ARAP2: variants seen among roughly 807,000 people sequenced by gnomAD.
ARAP2 encodes ArfGAP with RhoGAP domain, ankyrin repeat and PH domain 2, also known as arf-GAP with Rho-GAP domain, ANK repeat and PH domain-containing protein 2.
Under a neutral mutation model 194.5 loss-of-function variants are expected in ARAP2, and 148 were observed. The observed-to-expected ratio is 0.76, with a 90% confidence interval of 0.67 to 0.87. The LOEUF (loss-of-function observed/expected upper bound fraction) is 0.87, where lower values mean the gene tolerates loss of function less well. Ranked by LOEUF, ARAP2 falls within the 40% of genes least tolerant of loss-of-function variation. The probability of loss-of-function intolerance (pLI) is 0.00; values close to 1 mark genes in which losing one functional copy is unlikely to be tolerated. For synonymous variants in ARAP2, 695 were observed against 683.5 expected (o/e 1.02, Z -0.26); for missense variants, 2,128 against 1,989.7 (o/e 1.07, Z -1.32).
At chr4:36,042,792 TACTC>T (rs1721080878) in intron 5 of ARAP2, among the ~76,000 whole-genome samples, 1 of 152,144 alleles carries the variant, frequency 6.6e-6, no homozygotes, top group South Asian at 2.1e-4. Context: ...GGCACTCACT[TACTC>T]ACTTATTCAT....
At chr4:36,107,498 C>A in intron 27 of ARAP2, 67 bp downstream of exon 27, 1 of 1,466,854 alleles carries the variant, frequency 6.8e-7, no homozygotes, top group South Asian at 1.4e-5. Context: ...TTACTTGTGC[C>A]ATATTAATTA....
chr4:36,244,660 C>T (rs1754332945), upstream of ARAP2, among the ~76,000 whole-genome samples: 2 of 152,068 alleles, frequency 1.3e-5, no homozygotes, highest in African/African-American at 4.8e-5. Flanking sequence ...CTGGCACCCT[C>T]GCCACCTGGC....
Position 36,067,730 on chromosome 4 carries a change from T to G in ARAP2, c.*177A>C, listed in dbSNP as rs1725820242. On this transcript the variant is annotated 3_prime_UTR_variant, in exon 33 of 33. Transcript: ENST00000303965. Reference sequence around the variant, plus strand: ...GTTCAGACCAAAATAAAGTTAATCTTACATTCAGTCACATATATACATATT... The same window carrying G: ...GTTCAGACCAAAATAAAGTTAATCTGACATTCAGTCACATATATACATATT... The G allele has an allele frequency of 1.7e-6, 1 of 597,886 alleles. No individual in the cohort carries two copies. 37.0% of individuals were successfully genotyped at this position (597,886 alleles called of 1,614,324 possible).
downstream of ARAP2, chr4:36,065,793 G>T (rs1725311972): frequency 6.6e-6 from 1 of 152,426 alleles, no homozygotes; most frequent in Non-Finnish European, 1.5e-5. Flanking sequence ...CGTCAATACA[G>T]GCCACAGAGC....
At chr4:36,231,645 C>A (rs1300001012) in intron 1 of ARAP2, among the ~76,000 whole-genome samples, 1 of 152,144 alleles carries the variant, frequency 6.6e-6, no homozygotes. Context: ...GTCTTGCTTA[C>A]CCCTGTTCAT....
intron 1 of ARAP2, among the ~76,000 whole-genome samples, chr4:36,237,145 T>C (rs1752602273): frequency 6.6e-6 from 1 of 152,268 alleles, no homozygotes; most frequent in African/African-American, 2.4e-5. Context: ...CAAAACTTAT[T>C]GTTGCATGTA....
In ARAP2 at chr4:36,161,466, T is replaced by C. The variant is rs993207852; in HGVS notation, c.2258A>G (p.Glu753Gly). 7 of 1,612,948 alleles carry C rather than the reference T, an allele frequency of 4.3e-6. No individual in the cohort carries two copies. In the African/African-American group the frequency reaches 6.7e-5, roughly 15 times the overall value. Residue 753 changes from glutamate (E) to glycine (G), a missense_variant and splice_region_variant, in exon 12 of 33, where the codon GAG becomes GGG. Physicochemically the swap from Glu to Gly is moderately conservative, Grantham distance 98 (BLOSUM62 -2). Coordinates refer to ENST00000303965, the MANE Select transcript of ARAP2 (RefSeq NM_015230.4). ...DASIWSNELI[E>G]LFIVIGNKRA... Reference sequence around the variant, plus strand: ...CCATTCAGGTTAAATAGGACTCACCTCGATGAGTTCATTGCTCCAAATGCT... The same window carrying C: ...CCATTCAGGTTAAATAGGACTCACCCCGATGAGTTCATTGCTCCAAATGCT...
At position 36,166,990 on chromosome 4, in the gene ARAP2, G is replaced by A; in HGVS notation, c.1915C>T (p.Gln639Ter). The A allele has an allele frequency of 6.2e-7, 1 of 1,608,874 alleles. No individual in the cohort carries two copies. The highest frequency in any genetic ancestry group is 1.1e-5 in the South Asian group (1 of 90,126). Reference protein sequence around the residue: ...IIPMNVANVKQVDRTVKQSFE... With the variant: ...IIPMNVANVK Reference sequence around the variant, plus strand: ...GATTGTTTCACAGTTCGGTCCACTTGCTTTACATTTGCTACATTCATAGGA... The same window carrying A: ...GATTGTTTCACAGTTCGGTCCACTTACTTTACATTTGCTACATTCATAGGA... Residue 639 changes from glutamine to a stop codon, truncating the protein, a stop_gained, in exon 10 of 33, where the codon CAA becomes TAA. Coordinates refer to ENST00000303965, the MANE Select transcript of ARAP2 (RefSeq NM_015230.4). LOFTEE classifies it high-confidence loss of function.
At chr4:36,174,706 G>C (rs1253971398) in intron 9 of ARAP2, among the ~76,000 whole-genome samples, 1 of 152,140 alleles carries the variant, frequency 6.6e-6, no homozygotes, top group Non-Finnish European at 1.5e-5. Context: ...AGCAACCTAA[G>C]TAATGGCCTT....
chr4:36,198,530 A>C (rs1743660081), intron 6 of ARAP2, among the ~76,000 whole-genome samples: 1 of 152,224 alleles, frequency 6.6e-6, no homozygotes, highest in Non-Finnish European at 1.5e-5. Context: ...AGGTGTCTGC[A>C]GGCCAGTGCT....
chr4:36,041,099 T>C (rs1720792865), intron 5 of ARAP2, among the ~76,000 whole-genome samples: 1 of 152,156 alleles, frequency 6.6e-6, no homozygotes, highest in African/African-American at 2.4e-5. Flanking sequence ...ATCATTGGGT[T>C]TTGTCGATAG....
intron 28 of ARAP2, among the ~76,000 whole-genome samples, chr4:36,087,735 T>C (rs1453425033): frequency 6.6e-6 from 1 of 152,126 alleles, no homozygotes; most frequent in Non-Finnish European, 1.5e-5. Context: ...TAAAAATGTT[T>C]GATACTATTT....
At chr4:36,051,754 ATCTACTTAAAC>A (rs1427490704) in intron 3 of ARAP2, among the ~76,000 whole-genome samples, 6 of 152,178 alleles carry the variant, frequency 3.9e-5, no homozygotes, top group Admixed American at 6.5e-5. Flanking sequence ...ATATTTATAA[ATCTACTTAAAC>A]GGTCAAGTAT....
At chr4:36,030,121 G>A (rs1718660062) in intron 5 of ARAP2, among the ~76,000 whole-genome samples, 1 of 152,004 alleles carries the variant, frequency 6.6e-6, no homozygotes, top group Admixed American at 6.6e-5. Flanking sequence ...GTATTCTCAA[G>A]TTCTGACATG....
chr4:36,151,802 T>C (rs1178197790), intron 15 of ARAP2, among the ~76,000 whole-genome samples: 1 of 152,126 alleles, frequency 6.6e-6, no homozygotes, highest in East Asian at 1.9e-4. Flanking sequence ...ATGATACATA[T>C]GTATGTGTAT....
Position 36,012,057 on chromosome 4 carries a change from T to C in ARAP2, n.1325+506A>G, listed in dbSNP as rs147357472. ...AATGGCCTCAACATTTCTTTCATGGTATGTCATTATTAAATAATTTCCAAT... is the reference window on the plus strand; with the variant it reads ...AATGGCCTCAACATTTCTTTCATGGCATGTCATTATTAAATAATTTCCAAT... On this transcript the variant is annotated intron_variant and non_coding_transcript_variant, in intron 9 of 12. Transcript: ENST00000503225. Among the ~76,000 whole-genome samples, 55 of 152,334 alleles carry C rather than the reference T, an allele frequency of 3.6e-4. 1 individual carries two copies. Among genetic ancestry groups the C allele is most frequent in the Non-Finnish European group, 7.8e-4 (53 of 68,012 alleles).
Position 36,160,522 on chromosome 4 carries a change from T to C in ARAP2, c.2379A>G (p.Lys793=). 2 of 1,572,042 alleles carry C rather than the reference T, an allele frequency of 1.3e-6. No individual in the cohort carries two copies. Among genetic ancestry groups the C allele is most frequent in the Non-Finnish European group, 1.7e-6 (2 of 1,164,488 alleles). The change falls in exon 13 of 33, where the codon AAA becomes AAG. Residue 793 remains lysine, a synonymous_variant. Coordinates refer to ENST00000303965, the MANE Select transcript of ARAP2 (RefSeq NM_015230.4). ...TTTTTCTGAATTTTCCTTCTTTATA[T>C]TTCTGAGTAATAAAGTTTTTTCTCT... ...VEKRKNFITQ[K]YKEGKFRKTL...
rs1560459149 is a variant in ARAP2 at position 36,114,263 on chromosome 4, C to T, written c.4063G>A (p.Glu1355Lys). ...IRISPVMEAEELTNDILAIKN... is the reference protein window; with the variant it reads ...IRISPVMEAEKLTNDILAIKN... ...ATCGCTAATATATCATTAGTTAATT[C>T]TTCTGCTTCCATCACAGGAGATATC... Residue 1355 changes from glutamate (E) to lysine (K), a missense_variant, in exon 26 of 33, where the codon GAA becomes AAA. Coordinates refer to ENST00000303965, the MANE Select transcript of ARAP2 (RefSeq NM_015230.4). 2.5e-6 allele frequency: 4 copies of T among 1,588,618 alleles called. No individual in the cohort carries two copies. Among genetic ancestry groups the T allele is most frequent in the Non-Finnish European group, 3.4e-6 (4 of 1,161,052 alleles).
At chr4:36,064,202 CTTTCT>C (rs1401329228), downstream of ARAP2, among the ~76,000 whole-genome samples, 7 of 70,532 alleles carry the variant, frequency 9.9e-5, no homozygotes, top group East Asian at 4.4e-4. Flanking sequence ...TTGTTTTTTT[CTTTCT>C]TTTTTTTTTT....
Sources: allele counts gnomAD v4.1 joint callset (sites outside exome capture counted in the v4.1 genomes callset), GRCh38; gene constraint gnomAD v4.1.1; transcripts MANE v1.5; gene names NCBI Gene and HGNC (gene_info 2026-07-23, HGNC 2026-07-21).